COL20A1: variants seen among roughly 807,000 people sequenced by gnomAD.
The protein encoded by COL20A1 is collagen alpha-1(XX) chain.
A neutral mutation model predicts 152.9 loss-of-function variants in COL20A1; 164 were observed. The observed-to-expected ratio is 1.07, with a 90% CI of 0.94 to 1.22. COL20A1 has a LOEUF of 1.22. Among genes scored for constraint, COL20A1 ranks in the 50% most tolerant of loss-of-function variants. The pLI is 0.00. For synonymous variants in COL20A1, 864 were observed against 756.0 expected (o/e 1.14, Z -2.34); for missense variants, 1,873 against 1,744.8 (o/e 1.07, Z -1.31).
intron 15 of COL20A1, 35 bp downstream of exon 15, chr20:63,312,584 A>G: frequency 6.5e-7 from 1 of 1,539,642 alleles, no homozygotes; most frequent in Non-Finnish European, 8.7e-7. Context: ...GGGGTCCAGC[A>G]GGGTTTCTGT....
intron 9 of COL20A1, 126 bp from the exon 10 acceptor site, chr20:63,309,632 T>TA: frequency 2.4e-6 from 3 of 1,236,032 alleles, no homozygotes; most frequent in East Asian, 5.2e-5. Flanking sequence ...AGCACCCCCT[T>TA]ACATCTGTCC....
intron 3 of COL20A1, among the ~76,000 whole-genome samples, chr20:63,299,752 C>T (rs149557605): frequency 6.6e-6 from 1 of 151,716 alleles, no homozygotes; most frequent in African/African-American, 2.4e-5. Context: ...TGGTTATTTT[C>T]TCCTTTATTT....
Position 63,308,688 on chromosome 20 carries a change from G to C in COL20A1, c.922G>C (p.Val308Leu). Residue 308 changes from valine (V) to leucine (L), a missense_variant, in exon 8 of 36, where the codon GTG becomes CTG. Transcript: ENST00000358894. ...TGCCCGTGTCCTCAAGGACCTGGGC[G>C]TGAACGTCTTCGCTGTGGGTGAGCA... ...TAARVLKDLG[V>L]NVFAVGVKNA... The C allele has an allele frequency of 6.2e-7, 1 of 1,604,852 alleles. No individual in the cohort carries two copies.
rs752165519 is a variant in COL20A1 at position 63,319,208 on chromosome 20, G to C, written c.2806+8G>C. 1.1e-5 allele frequency: 17 copies of C among 1,611,176 alleles called. No homozygotes were observed. On this transcript the variant is annotated splice_region_variant and intron_variant, in intron 22 of 35. Transcript: ENST00000358894. The surrounding 1 kb of genome is among the most constrained non-coding windows in gnomAD (Gnocchi z 4.4). ...TTGGGGTTCTGCTGGATGGTGACGT[G>C]GGCCCCGCGTCGCCCCCAGCAGTCA...
At chr20:63,321,781 G>A (rs1350541526) in intron 26 of COL20A1, among the ~76,000 whole-genome samples, 62 of 152,170 alleles carry the variant, frequency 4.1e-4, no homozygotes, top group Admixed American at 3.8e-3. Flanking sequence ...CTCTGGGACC[G>A]GTCAAGCACA....
Position 63,307,991 on chromosome 20 carries a change from G to A in COL20A1, c.676G>A (p.Asp226Asn). Residue 226 changes from aspartate to asparagine, a missense_variant, in exon 7 of 36, where the codon GAT becomes AAT. Coordinates refer to ENST00000358894, the MANE Select transcript of COL20A1 (RefSeq NM_020882.4). The part of the protein sequence containing the change: ...VQVGLTQYSG[D>N]AQTEWDLNSL... ...CCCAGGCCTGACTCAGTACAGCGGG[G>A]ATGCTCAGACTGAGTGGGACCTGAA... 1.2e-6 allele frequency: 2 copies of A among 1,612,600 alleles called. No individual in the cohort carries two copies. The highest frequency in any genetic ancestry group is 1.7e-6 in the Non-Finnish European group (2 of 1,179,744).
Position 63,322,070 on chromosome 20 carries a change from A to G in COL20A1, c.3253A>G (p.Arg1085Gly). The G allele has an allele frequency of 6.6e-7, 1 of 1,507,160 alleles. No homozygotes were observed. The highest frequency in any genetic ancestry group is 1.3e-5 in the South Asian group (1 of 77,522). The allele number at this position is 1,507,160 out of a possible 1,614,324, so 93.4% of individuals were successfully genotyped here. ...GPQGPPGLPG[R>G]NGTPGEQGFP... is the part of the protein sequence containing the mutation. Reference sequence around the variant, plus strand: ...TGTGCCTCTGCAGGGCCTCCCTGGGAGGAATGGCACCCCAGGAGAGCAGGG... The same window carrying G: ...TGTGCCTCTGCAGGGCCTCCCTGGGGGGAATGGCACCCCAGGAGAGCAGGG... The change falls in exon 27 of 36, where the codon AGG (arginine) becomes GGG (glycine). Residue 1085 changes from arginine to glycine, a missense_variant. Arg to Gly is a moderately radical substitution (Grantham distance 125). Transcript: ENST00000358894.
intron 24 of COL20A1, 32 bp downstream of exon 24, chr20:63,320,229 C>T (rs201225172): frequency 2.5e-5 from 40 of 1,601,956 alleles, no homozygotes; most frequent in Admixed American, 1.2e-4. Context: ...TGCTGGGCCA[C>T]GCTGGTGGGG....
intron 8 of COL20A1, among the ~76,000 whole-genome samples, chr20:63,309,105 TG>T (rs1319261522): frequency 1.3e-5 from 2 of 152,168 alleles, no homozygotes; most frequent in African/African-American, 4.8e-5. Context: ...CTCTGTCCTG[TG>T]GGGAGGAAAC....
chr20:63,334,690 G>A lies in COL20A1; in HGVS notation c.*3974G>A, dbSNP rs1420325746. ...CCACCCTCCTTGGCCTCCCAAAGTG[G>A]TGGGATTACAGGTGTGAGTCACCTC... On this transcript the variant is annotated 3_prime_UTR_variant, in exon 36 of 36. Coordinates refer to ENST00000358894, the MANE Select transcript of COL20A1 (RefSeq NM_020882.4). The A allele has an allele frequency of 6.6e-6, 1 of 152,220 alleles. No individual in the cohort carries two copies. The highest frequency in any genetic ancestry group is 2.4e-5 in the African/African-American group (1 of 41,448). The allele number at this position is 152,220 out of a possible 1,614,324, so 9.4% of individuals were successfully genotyped here. A position where few individuals can be genotyped will look rare whatever the true frequency, so the allele number is the denominator to read the frequency against.
At chr20:63,310,623 C>T (rs1440899867) in intron 11 of COL20A1, 113 bp downstream of exon 11, 2 of 1,195,042 alleles carry the variant, frequency 1.7e-6, no homozygotes, top group Non-Finnish European at 2.3e-6. Flanking sequence ...ATCTTAACCA[C>T]CCACAGTTGG....
chr20:63,312,034 C>T lies in COL20A1; in HGVS notation c.1782C>T (p.Ser594=), dbSNP rs774401193. 5.0e-6 allele frequency: 8 copies of T among 1,591,052 alleles called. No individual in the cohort carries two copies. In the African/African-American group the frequency reaches 5.4e-5, roughly 11 times the overall value. ...VRLVRVTYVS[S]EGGHSGQTEA... is the part of the protein sequence containing the mutation. ...TGGTCAGGGTCACCTATGTGTCCAG[C>T]GAGGGTGGACACTCGGGGCAGGTGA... The change falls in exon 14 of 36, where the codon AGC becomes AGT. Residue 594 remains serine (S), a synonymous_variant. Transcript: ENST00000358894.
chr20:63,310,720 G>A (rs558147650), intron 11 of COL20A1, among the ~76,000 whole-genome samples: 18 of 152,208 alleles, frequency 1.2e-4, no homozygotes, highest in Admixed American at 8.5e-4. Flanking sequence ...CAGCTATACC[G>A]TTGGTGTCAT....
Position 63,319,444 on chromosome 20 carries a change from TG to T in COL20A1, c.2807-41del, listed in dbSNP as rs2068128398. 6.9e-7 allele frequency: 1 copy of T among 1,447,346 alleles called. No individual in the cohort carries two copies. The highest frequency in any genetic ancestry group is 9.5e-7 in the Non-Finnish European group (1 of 1,055,206). 89.7% of individuals were successfully genotyped at this position (1,447,346 alleles called of 1,614,324 possible). ...GCCCTGCTCAAGGTATAGGCCCGGCTGGTTGCAGCCCGTTCTCACCTGCTCC... is the reference window on the plus strand; with the variant it reads ...GCCCTGCTCAAGGTATAGGCCCGGCTGTTGCAGCCCGTTCTCACCTGCTCC... On this transcript the variant is annotated intron_variant, in intron 22 of 35. Coordinates refer to ENST00000358894, the MANE Select transcript of COL20A1 (RefSeq NM_020882.4). The surrounding 1 kb of genome is among the most constrained non-coding windows in gnomAD (Gnocchi z 4.4).
intron 5 of COL20A1, 96 bp from the exon 6 acceptor site, chr20:63,307,394 C>T: frequency 8.1e-7 from 1 of 1,231,008 alleles, no homozygotes; most frequent in Non-Finnish European, 1.1e-6. Context: ...CCCAGCCTGC[C>T]TCACTCTTGT....
In COL20A1 at chr20:63,305,061, C is replaced by T. The variant is rs2067906200; in HGVS notation, c.194-356C>T. ...GTGGGCAGGGCCCTGGCCCCGGACT[C>T]TTCCTTCTTGGACCTGGCCCCTCGG... On this transcript the variant is annotated intron_variant, in intron 3 of 35. Transcript: ENST00000358894. The surrounding 1 kb of genome is among the most constrained non-coding windows in gnomAD (Gnocchi z 4.9). 6.6e-6 allele frequency among the ~76,000 whole-genome samples: 1 copy of T among 152,298 alleles called. No homozygotes were observed. Among genetic ancestry groups the T allele is most frequent in the East Asian group, 1.9e-4 (1 of 5,182 alleles).
chr20:63,313,179 C>T lies in COL20A1; in HGVS notation c.2139C>T (p.Tyr713=), dbSNP rs779814964. 9.9e-6 allele frequency: 16 copies of T among 1,612,356 alleles called. No homozygotes were observed. The East Asian group carries it at 1.3e-4, about 13-fold the overall frequency. The part of the protein sequence containing the change: ...VLPGLGRHTE[Y]DVTILAYYRD... ...CTGGCCTAGGGAGGCACACAGAGTA[C>T]GACGTCACCATCTTGGCCTACTACA... The change falls in exon 17 of 36, where the codon TAC becomes TAT. Residue 713 remains tyrosine, a synonymous_variant. Transcript: ENST00000358894. The surrounding 1 kb of genome is among the most constrained non-coding windows in gnomAD (Gnocchi z 5.9).
At chr20:63,323,002 TC>T (rs2068188396) in intron 27 of COL20A1, among the ~76,000 whole-genome samples, 1 of 152,164 alleles carries the variant, frequency 6.6e-6, no homozygotes, top group African/African-American at 2.4e-5. Context: ...GGGGTGGATG[TC>T]CCCACACTGG....
intron 15 of COL20A1, 118 bp downstream of exon 15, chr20:63,312,667 G>T: frequency 6.8e-7 from 1 of 1,460,246 alleles, no homozygotes; most frequent in South Asian, 1.3e-5. Flanking sequence ...TGAGCCAGGT[G>T]GGGATGGGCA....
Sources: gnomAD v4.1 joint callset for allele counts (sites outside exome capture counted in the v4.1 genomes callset) on GRCh38, gnomAD v4.1.1 for gene constraint, Gnocchi (gnomAD v3.1) non-coding constraint, MANE v1.5 for transcripts, NCBI Gene and HGNC (gene_info 2026-07-23, HGNC 2026-07-21) for gene names.